The following ZNF682 variants were observed in gnomAD, a reference collection of about 807,000 sequenced individuals.
ZNF682 encodes the protein zinc finger protein 682.
ZNF682 carries 29 observed loss-of-function variants against 36.5 expected under a neutral mutation model. That is an observed-to-expected ratio of 0.80 (90% CI 0.59 to 1.08). ZNF682 has a LOEUF of 1.08. Among genes scored for constraint, ZNF682 ranks in the 50% least tolerant of loss-of-function variants. The probability of loss-of-function intolerance (pLI) is 0.00; values close to 1 mark genes in which losing one functional copy is unlikely to be tolerated. For missense variants in ZNF682, 561 were observed against 579.7 expected, an observed-to-expected ratio of 0.97 and a Z score of 0.33; for synonymous variants, 180 against 197.0, an observed-to-expected ratio of 0.91 and a Z score of 0.72.
chr19:20,022,752 A>G (rs1417530353), intron 3 of ZNF682, among the ~76,000 whole-genome samples: 2 of 152,244 alleles, frequency 1.3e-5, no homozygotes, highest in Non-Finnish European at 2.9e-5. Flanking sequence ...AAGGGCAGTC[A>G]GATAATAAAG....
chr19:20,023,645 CAAT>C lies in ZNF682; in HGVS notation c.131-549_131-547del, dbSNP rs142800987. ...TAGAAGTTGGATTTTAAGGTCTGGT[CAAT>C]AATATTTTATAAAGGAATTTTTATA... is the stretch of plus-strand genomic sequence containing the variant. On this transcript the variant is annotated intron_variant, in intron 2 of 3. Transcript: ENST00000397165. Among the ~76,000 whole-genome samples the C allele has an allele frequency of 5.7e-3, 869 of 152,120 alleles. 8 individuals are homozygous for C. The highest frequency in any genetic ancestry group is 0.048 in the South Asian group (230 of 4,820).
At chr19:19,995,909 GT>G (rs1481353130), downstream of ZNF682, among the ~76,000 whole-genome samples, 2 of 152,312 alleles carry the variant, frequency 1.3e-5, no homozygotes, top group African/African-American at 4.8e-5. Context: ...ATAGAAAAGT[GT>G]TTGTGTCTTC....
rs193142072 is a variant in ZNF682 at position 20,011,945 on chromosome 19, G to C, written c.227-4670C>G. 2.0e-5 allele frequency among the ~76,000 whole-genome samples: 3 copies of C among 152,196 alleles called. No individual in the cohort carries two copies. The East Asian group carries it at 5.8e-4, about 29-fold the overall frequency. ...CTAGCTACCTGGGAGAGTGAGGCAG[G>C]AGAATCACTTGAACCCAGGAGGCAG... On this transcript the variant is annotated intron_variant, in intron 3 of 3. Transcript: ENST00000397165.
chr19:20,037,373 A>G (rs1292219543), intron 1 of ZNF682, among the ~76,000 whole-genome samples: 1 of 152,208 alleles, frequency 6.6e-6, no homozygotes, highest in African/African-American at 2.4e-5. Flanking sequence ...TGAGACTATA[A>G]TCAGGTGGCA....
At chr19:19,998,521 C>T (rs796073956) in intron 3 of ZNF682, among the ~76,000 whole-genome samples, 1 of 152,170 alleles carries the variant, frequency 6.6e-6, no homozygotes, top group Admixed American at 6.5e-5. Context: ...CTTTCAACAA[C>T]AAATACTATC....
intron 2 of ZNF682, 60 bp from the exon 3 acceptor site, chr19:20,023,159 T>C: frequency 7.0e-7 from 1 of 1,423,704 alleles, no homozygotes; most frequent in East Asian, 2.3e-5. Flanking sequence ...ACCAACCTAG[T>C]GTTGTGCTCT....
intron 3 of ZNF682, chr19:20,015,346 T>C: frequency 1.0e-6 from 1 of 985,310 alleles, no homozygotes; most frequent in East Asian, 1.1e-4. Flanking sequence ...TAAAACCTAT[T>C]CAGTCAAACA....
chr19:20,003,548 C>G (rs1255677507), downstream of ZNF682, among the ~76,000 whole-genome samples: 1 of 151,248 alleles, frequency 6.6e-6, no homozygotes, highest in East Asian at 2.0e-4. Context: ...ACTAAAAATA[C>G]AAAAAAATTA....
At chr19:19,999,122 G>C (rs2088146615) in intron 3 of ZNF682, among the ~76,000 whole-genome samples, 1 of 152,100 alleles carries the variant, frequency 6.6e-6, no homozygotes, top group Non-Finnish European at 1.5e-5. Flanking sequence ...CAATTCAGGA[G>C]AGTCATCACC....
intron 3 of ZNF682, among the ~76,000 whole-genome samples, chr19:20,017,857 G>A (rs1473453485): frequency 6.6e-6 from 1 of 151,856 alleles, no homozygotes; most frequent in African/African-American, 2.4e-5. Context: ...TGACCAAAAT[G>A]GAATGAAACT....
chr19:20,037,276 C>T (rs1162407723), intron 1 of ZNF682, among the ~76,000 whole-genome samples: 1 of 152,018 alleles, frequency 6.6e-6, no homozygotes, highest in Non-Finnish European at 1.5e-5. Context: ...TGGGACAGTG[C>T]AGGGTTACGG....
intron 1 of ZNF682, among the ~76,000 whole-genome samples, chr19:20,037,152 C>T (rs998682839): frequency 6.6e-6 from 1 of 152,182 alleles, no homozygotes; most frequent in Non-Finnish European, 1.5e-5. Context: ...TCTTGAACTA[C>T]TGGACATCTG....
intron 3 of ZNF682, among the ~76,000 whole-genome samples, chr19:20,020,052 A>C (rs2088369988): frequency 2.5e-5 from 1 of 40,186 alleles, no homozygotes; most frequent in African/African-American, 1.1e-4. Flanking sequence ...TCTCTTAAAA[A>C]AAAAAAAAAA....
intron 3 of ZNF682, among the ~76,000 whole-genome samples, chr19:20,010,036 G>C (rs921327986): frequency 4.0e-5 from 6 of 149,790 alleles, no homozygotes; most frequent in African/African-American, 1.5e-4. Context: ...AACAAAAAAA[G>C]AGATTAAAAA....
At chr19:20,004,052 G>A (rs1450067670), downstream of ZNF682, among the ~76,000 whole-genome samples, 2 of 152,150 alleles carry the variant, frequency 1.3e-5, no homozygotes, top group African/African-American at 4.8e-5. Flanking sequence ...AAAACTTAAA[G>A]AGTCTATGTG....
At chr19:20,010,678 A>T (rs938326640) in intron 3 of ZNF682, among the ~76,000 whole-genome samples, 7 of 152,100 alleles carry the variant, frequency 4.6e-5, no homozygotes, top group South Asian at 2.1e-4. Flanking sequence ...TAAAAAATTT[A>T]AAAAACTGGC....
At chr19:20,020,047 TAA>T (rs752291651) in intron 3 of ZNF682, among the ~76,000 whole-genome samples, 12 of 6,216 alleles carry the variant, frequency 1.9e-3, no homozygotes, top group Admixed American at 9.0e-3. Flanking sequence ...CCCCTTCTCT[TAA>T]AAAAAAAAAA....
chr19:20,006,468 T>G lies in ZNF682; in HGVS notation c.1034A>C (p.Glu345Ala), dbSNP rs1371256142. 6.2e-6 allele frequency: 10 copies of G among 1,613,980 alleles called. No individual in the cohort carries two copies. The highest frequency in any genetic ancestry group is 1.7e-5 in the Admixed American group (1 of 60,002). Residue 345 changes from glutamate to alanine, a missense_variant, in exon 4 of 4, where the codon GAA becomes GCA. Transcript: ENST00000397165. Reference sequence around the variant, plus strand: ...TGATGAGTTAAAAGCTTTGCCACATTCTTCACATTTATAGGGTTTCTCTCC... The same window carrying G: ...TGATGAGTTAAAAGCTTTGCCACATGCTTCACATTTATAGGGTTTCTCTCC... ...HTGEKPYKCE[E>A]CGKAFNSSSI... is the part of the protein sequence containing the mutation.
intron 3 of ZNF682, among the ~76,000 whole-genome samples, chr19:20,018,157 G>A (rs935616007): frequency 1.6e-5 from 2 of 121,526 alleles, no homozygotes; most frequent in Non-Finnish European, 3.2e-5. Context: ...GCAGTGGCGG[G>A]ATCTCGGCTC....
Sources: allele counts gnomAD v4.1 joint callset (sites outside exome capture counted in the v4.1 genomes callset), GRCh38; gene constraint gnomAD v4.1.1; transcripts MANE v1.5; gene names NCBI Gene and HGNC (gene_info 2026-07-23, HGNC 2026-07-21).